TBCK: variants seen among roughly 807,000 people sequenced by gnomAD.
TBCK encodes TBC domain-containing protein kinase-like protein.
A neutral mutation model predicts 113.4 loss-of-function variants in TBCK; 99 were observed. The ratio of observed to expected loss-of-function variants is 0.87; its 90% CI spans 0.74 to 1.03. TBCK has a LOEUF of 1.03. TBCK is among the 50% of genes least tolerant of loss of function. The pLI, the probability that TBCK is intolerant of heterozygous loss-of-function variation, is 0.00. For missense variants in TBCK, 1,045 were observed against 1,061.3 expected (o/e 0.98, Z 0.21); for synonymous variants, 369 against 370.8 (o/e 1.00, Z 0.05).
chr4:106,246,012 G>T (rs1214991144), intron 10 of TBCK, among the ~76,000 whole-genome samples: 1 of 152,034 alleles, frequency 6.6e-6, no homozygotes, highest in Non-Finnish European at 1.5e-5. Context: ...CTCTATATTG[G>T]AAAAGGAATA....
chr4:106,097,385 CTT>C (rs1245315240), intron 24 of TBCK, among the ~76,000 whole-genome samples: 2 of 152,122 alleles, frequency 1.3e-5, no homozygotes, highest in Non-Finnish European at 1.5e-5. Flanking sequence ...CAAGAACACT[CTT>C]GTCATGAAAC....
At chr4:106,194,896 G>C in intron 20 of TBCK, 142 bp from the exon 21 acceptor site, 1 of 795,584 alleles carries the variant, frequency 1.3e-6, no homozygotes, top group South Asian at 1.8e-5. Context: ...AGAATGTAGT[G>C]TTAAGTTTAG....
chr4:106,233,100 A>G, intron 16 of TBCK, 36 bp from the exon 17 acceptor site: 3 of 1,584,510 alleles, frequency 1.9e-6, no homozygotes, highest in Non-Finnish European at 2.6e-6. Flanking sequence ...TGAAACAGTA[A>G]TTGTGTAATC....
At chr4:106,110,992 TAA>T (rs34101966) in intron 24 of TBCK, among the ~76,000 whole-genome samples, 34,835 of 147,506 alleles carry the variant, frequency 0.24, 4,075 homozygotes, top group South Asian at 0.28. Flanking sequence ...TATAAAGAGC[TAA>T]AAAAAAAAAA....
chr4:106,305,814 C>A (rs1016022511), intron 2 of TBCK, among the ~76,000 whole-genome samples: 1 of 152,188 alleles, frequency 6.6e-6, no homozygotes, highest in Non-Finnish European at 1.5e-5. Flanking sequence ...CTAGAATGAC[C>A]TCTGGTTGTC....
intron 25 of TBCK, among the ~76,000 whole-genome samples, chr4:106,048,310 T>C (rs566499371): frequency 6.1e-4 from 93 of 152,280 alleles, no homozygotes; most frequent in African/African-American, 2.2e-3. Context: ...CTAACCCTAC[T>C]TATCTTCTCT....
chr4:106,292,344 C>G (rs12500775), intron 3 of TBCK, among the ~76,000 whole-genome samples: 25,554 of 151,798 alleles, frequency 0.17, 2,154 homozygotes, highest in South Asian at 0.25. Flanking sequence ...GGCTGAGGTG[C>G]GTGGATCATG....
intron 19 of TBCK, among the ~76,000 whole-genome samples, chr4:106,224,959 G>GCTAA (rs1251937011): frequency 1.3e-5 from 2 of 152,060 alleles, no homozygotes; most frequent in African/African-American, 4.8e-5. Context: ...CTTGCTCTGT[G>GCTAA]CTAACATAAT....
intron 3 of TBCK, among the ~76,000 whole-genome samples, chr4:106,273,543 T>C (rs1373995829): frequency 6.6e-6 from 1 of 152,204 alleles, no homozygotes; most frequent in African/African-American, 2.4e-5. Context: ...AATGTTACCT[T>C]ATTTGGAAAA....
In TBCK at chr4:106,193,675, G is replaced by C. The variant is rs745838420; in HGVS notation, c.1993C>G (p.Gln665Glu). The change falls in exon 22 of 26, where the codon CAG (glutamine) becomes GAG (glutamate). Residue 665 changes from glutamine (Q) to glutamate (E), a missense_variant. Coordinates refer to ENST00000394708, the MANE Select transcript of TBCK (RefSeq NM_001163435.3). ...PFCIGVAILQ[Q>E]LRDRLLANGF... is the part of the protein sequence containing the mutation. Reference sequence around the variant, plus strand: ...TTAGCCAAAAGCCGGTCCCGCAGCTGCTGAAGAATTGCTACTCCAATACAG... The same window carrying C: ...TTAGCCAAAAGCCGGTCCCGCAGCTCCTGAAGAATTGCTACTCCAATACAG... The C allele has an allele frequency of 3.1e-6, 5 of 1,613,476 alleles. No individual in the cohort carries two copies. The highest frequency in any genetic ancestry group is 4.2e-6 in the Non-Finnish European group (5 of 1,179,620).
chr4:106,076,829 G>A (rs1464753934), intron 25 of TBCK, among the ~76,000 whole-genome samples: 1 of 152,130 alleles, frequency 6.6e-6, no homozygotes, highest in Non-Finnish European at 1.5e-5. Context: ...GAGGCTGACT[G>A]CAGTGGCTCA....
At chr4:106,143,378 GA>G (rs1201401203) in intron 23 of TBCK, among the ~76,000 whole-genome samples, 12 of 152,256 alleles carry the variant, frequency 7.9e-5, no homozygotes, top group Admixed American at 7.8e-4. Context: ...TTTAGGATGA[GA>G]AAACCCAGAG....
At chr4:106,070,579 C>A (rs1737286025) in intron 25 of TBCK, among the ~76,000 whole-genome samples, 1 of 152,092 alleles carries the variant, frequency 6.6e-6, no homozygotes, top group Non-Finnish European at 1.5e-5. Context: ...GGGTGTTCAT[C>A]ATGGATATTG....
At chr4:106,081,771 C>T (rs1246491874) in intron 25 of TBCK, among the ~76,000 whole-genome samples, 2 of 152,090 alleles carry the variant, frequency 1.3e-5, no homozygotes, top group Non-Finnish European at 2.9e-5. Context: ...AAACAAATAT[C>T]CCAGTTTTAA....
At chr4:106,078,264 GAAGAA>G (rs540047316) in intron 25 of TBCK, among the ~76,000 whole-genome samples, 159 of 152,210 alleles carry the variant, frequency 1.0e-3, no homozygotes, top group African/African-American at 3.6e-3. Context: ...AAAGCTAGCA[GAAGAA>G]AAGAAATAAC....
At chr4:106,162,618 G>A (rs1188604552) in intron 23 of TBCK, among the ~76,000 whole-genome samples, 1 of 152,116 alleles carries the variant, frequency 6.6e-6, no homozygotes, top group Admixed American at 6.6e-5. Flanking sequence ...CTCAAACCTC[G>A]ATTTTTGACT....
At chr4:106,269,384 G>A (rs1473873715) in intron 3 of TBCK, among the ~76,000 whole-genome samples, 1 of 151,900 alleles carries the variant, frequency 6.6e-6, no homozygotes, top group Non-Finnish European at 1.5e-5. Context: ...ATGAGCTAGT[G>A]TCTTTGAGGC....
intron 3 of TBCK, among the ~76,000 whole-genome samples, chr4:106,277,238 T>C (rs1008688207): frequency 3.9e-5 from 6 of 152,128 alleles, no homozygotes; most frequent in Non-Finnish European, 8.8e-5. Context: ...TTGGTGAAAA[T>C]ATGTAAAAGG....
intron 3 of TBCK, among the ~76,000 whole-genome samples, chr4:106,283,536 A>G (rs1764825885): frequency 6.6e-6 from 1 of 152,176 alleles, no homozygotes; most frequent in African/African-American, 2.4e-5. Flanking sequence ...TTGAGCAAAA[A>G]GACATTTCAG....
Sources: allele counts gnomAD v4.1 joint callset (sites outside exome capture counted in the v4.1 genomes callset), GRCh38; gene constraint gnomAD v4.1.1; transcripts MANE v1.5; gene names NCBI Gene and HGNC (gene_info 2026-07-23, HGNC 2026-07-21).